Variants in SLC24A2 observed in about 807,000 individuals in gnomAD.
SLC24A2 encodes the protein solute carrier family 24 member 2, also known as sodium/potassium/calcium exchanger 2.
Under a neutral mutation model 62.0 loss-of-function variants are expected in SLC24A2, and 36 were observed. The observed-to-expected ratio is 0.58, with a 90% CI of 0.44 to 0.77. The LOEUF (loss-of-function observed/expected upper bound fraction) is 0.77, where lower values mean the gene tolerates loss of function less well. Among genes scored for constraint, SLC24A2 ranks in the 30% least tolerant of loss-of-function variants. The probability of loss-of-function intolerance (pLI) is 0.00; values close to 1 mark genes in which losing one functional copy is unlikely to be tolerated. For synonymous variants in SLC24A2, 358 were observed against 294.0 expected, an observed-to-expected ratio of 1.22 and a Z score of -2.23; for missense variants, 846 against 817.9, an observed-to-expected ratio of 1.03 and a Z score of -0.42.
chr9:20,101,858 C>T, the SLC24A2 span, among the ~76,000 whole-genome samples: 1 of 152,182 alleles, frequency 6.6e-6, no homozygotes, highest in Non-Finnish European at 1.5e-5. Context: ...AAACTGTGCC[C>T]TTACCATTGA....
At chr9:19,534,761 A>C (rs995503149) in intron 8 of SLC24A2, among the ~76,000 whole-genome samples, 13 of 152,150 alleles carry the variant, frequency 8.5e-5, no homozygotes, top group African/African-American at 3.1e-4. Flanking sequence ...TCTACCACTG[A>C]TGGACATGTG....
intron 2 of SLC24A2, among the ~76,000 whole-genome samples, chr9:19,689,783 T>C (rs1222876661): frequency 4.6e-5 from 7 of 152,146 alleles, no homozygotes; most frequent in Non-Finnish European, 8.8e-5. Context: ...TTTTAAGTGA[T>C]ACATAAAATT....
the SLC24A2 span, among the ~76,000 whole-genome samples, chr9:20,020,828 A>G: frequency 1.3e-5 from 2 of 152,150 alleles, no homozygotes; most frequent in African/African-American, 4.8e-5. Flanking sequence ...TTTTACCTTT[A>G]CTCCTTGAAA....
the SLC24A2 span, among the ~76,000 whole-genome samples, chr9:20,105,974 G>C: frequency 1.4e-4 from 22 of 152,110 alleles, no homozygotes; most frequent in Admixed American, 2.0e-4. Flanking sequence ...GAAGAAAAGA[G>C]AGAAGAATCA....
the SLC24A2 span, among the ~76,000 whole-genome samples, chr9:19,828,225 C>A: frequency 1.3e-5 from 2 of 151,956 alleles, no homozygotes; most frequent in Admixed American, 6.5e-5. Flanking sequence ...AGTAGCACAA[C>A]AGAGTGACCA....
intron 5 of SLC24A2, among the ~76,000 whole-genome samples, chr9:19,588,570 T>C (rs1836444404): frequency 6.6e-6 from 1 of 150,470 alleles, no homozygotes; most frequent in Admixed American, 6.6e-5. Flanking sequence ...CTCAGGTTTC[T>C]AAAACAAGTA....
chr9:19,807,098 C>T, the SLC24A2 span, among the ~76,000 whole-genome samples: 2 of 152,286 alleles, frequency 1.3e-5, no homozygotes, highest in African/African-American at 2.4e-5. Flanking sequence ...TGAGATTTTC[C>T]TTTATGTTAA....
Position 19,627,969 on chromosome 9 carries a change from C to G in SLC24A2, c.931-5670G>C, listed in dbSNP as rs532435186. On this transcript the variant is annotated intron_variant, in intron 2 of 10. Coordinates refer to ENST00000341998, the MANE Select transcript of SLC24A2 (RefSeq NM_020344.4). ...ATTCCAAATAATTATCTTGTGCACTCCACTGGAACATTAGCACAAACTTTT... is the reference window on the plus strand; with the variant it reads ...ATTCCAAATAATTATCTTGTGCACTGCACTGGAACATTAGCACAAACTTTT... 1.5e-3 allele frequency among the ~76,000 whole-genome samples: 230 copies of G among 152,300 alleles called. 1 individual carries two copies. The highest frequency in any genetic ancestry group is 5.4e-3 in the African/African-American group (224 of 41,570).
chr9:20,277,929 C>T, the SLC24A2 span, among the ~76,000 whole-genome samples: 1 of 152,116 alleles, frequency 6.6e-6, no homozygotes, highest in African/African-American at 2.4e-5. Flanking sequence ...AGTTCATGTC[C>T]TTTGTAGGAA....
chr9:20,288,792 TTCCCAGGCTACGTTACC>T, the SLC24A2 span, among the ~76,000 whole-genome samples: 7 of 150,886 alleles, frequency 4.6e-5, no homozygotes, highest in Non-Finnish European at 1.0e-4. Context: ...ACAATGCAAC[TTCCCAGGCTACGTTACC>T]TCTCTGCCTA....
intron 5 of SLC24A2, among the ~76,000 whole-genome samples, chr9:19,591,103 C>G (rs1028718884): frequency 1.1e-4 from 17 of 152,118 alleles, no homozygotes; most frequent in African/African-American, 4.1e-4. Context: ...CTTCTCTTCT[C>G]TATCAATTAG....
chr9:19,624,715 G>T (rs1817991236), intron 2 of SLC24A2, among the ~76,000 whole-genome samples: 2 of 152,094 alleles, frequency 1.3e-5, no homozygotes, highest in Admixed American at 1.3e-4. Flanking sequence ...GTAAATTTAG[G>T]TATACACACA....
the SLC24A2 span, among the ~76,000 whole-genome samples, chr9:20,067,966 C>A: frequency 6.6e-6 from 1 of 151,982 alleles, no homozygotes; most frequent in African/African-American, 2.4e-5. Flanking sequence ...AACTGCTTTC[C>A]ACAGTGGCTG....
At chr9:19,607,975 A>G (rs893695312) in intron 4 of SLC24A2, among the ~76,000 whole-genome samples, 2 of 152,184 alleles carry the variant, frequency 1.3e-5, no homozygotes, top group Non-Finnish European at 2.9e-5. Context: ...ACTATTCCCT[A>G]AAGAGAGGAG....
At chr9:19,524,060 T>C (rs1351576820) in intron 9 of SLC24A2, among the ~76,000 whole-genome samples, 2 of 137,132 alleles carry the variant, frequency 1.5e-5, no homozygotes, top group African/African-American at 2.8e-5. Context: ...CTCTGAAAAA[T>C]CAGGGAGCAT....
chr9:19,993,462 T>C, the SLC24A2 span, among the ~76,000 whole-genome samples: 1 of 152,220 alleles, frequency 6.6e-6, no homozygotes, highest in Non-Finnish European at 1.5e-5. Context: ...AAAATTTATT[T>C]TATAACCATC....
the SLC24A2 span, among the ~76,000 whole-genome samples, chr9:20,231,993 C>G: frequency 6.6e-6 from 1 of 152,096 alleles, no homozygotes; most frequent in Non-Finnish European, 1.5e-5. Flanking sequence ...TTGAGATAAT[C>G]ATGTGGTTTT....
chr9:19,706,687 T>C (rs996427371), intron 2 of SLC24A2, among the ~76,000 whole-genome samples: 2 of 152,090 alleles, frequency 1.3e-5, no homozygotes, highest in Admixed American at 6.5e-5. Context: ...CGGGTCTTGA[T>C]TCTTTATCCA....
intron 7 of SLC24A2, among the ~76,000 whole-genome samples, chr9:19,565,431 G>C (rs561327523): frequency 6.6e-6 from 1 of 150,782 alleles, no homozygotes; most frequent in East Asian, 1.9e-4. Context: ...CCTCTGCAAG[G>C]AGAACTACAA....
Sources: gnomAD v4.1 joint callset for allele counts (sites outside exome capture counted in the v4.1 genomes callset) on GRCh38, gnomAD v4.1.1 for gene constraint, MANE v1.5 for transcripts, NCBI Gene and HGNC (gene_info 2026-07-23, HGNC 2026-07-21) for gene names.